Variants in C15orf39 observed in about 807,000 individuals in gnomAD.
C15orf39 encodes uncharacterized protein C15orf39.
In C15orf39, 24 loss-of-function variants were observed where a neutral mutation model predicts 53.9. That is an observed-to-expected ratio of 0.45 (90% CI 0.32 to 0.63). The LOEUF is 0.63. C15orf39 is among the 20% of genes least tolerant of loss of function. The pLI is 0.04. For synonymous variants in C15orf39, 569 were observed against 576.5 expected, an observed-to-expected ratio of 0.99 and a Z score of 0.19; for missense variants, 1,271 against 1,347.9, an observed-to-expected ratio of 0.94 and a Z score of 0.89.
intron 2 of C15orf39, chr15:75,209,038 C>G: frequency 1.3e-6 from 1 of 791,752 alleles, no homozygotes; most frequent in Admixed American, 3.5e-5. Context: ...TCTGAACATG[C>G]CAGCTGCTCT....
upstream of C15orf39, among the ~76,000 whole-genome samples, chr15:75,201,210 C>T (rs1414210249): frequency 6.6e-6 from 1 of 152,188 alleles, no homozygotes; most frequent in Non-Finnish European, 1.5e-5. The surrounding 1 kb of genome is among the most constrained non-coding windows in gnomAD (Gnocchi z 4.7). Flanking sequence ...ACACACCATT[C>T]CTGGCTGGGC....
chr15:75,207,010 G>A lies in C15orf39; in HGVS notation c.962G>A (p.Gly321Asp). Reference sequence around the variant, plus strand: ...ACCGGGTACCAGGCTGGTGGGCTGGGCAGCCCCTACCTGAGGCAGCAGGCA... The same window carrying A: ...ACCGGGTACCAGGCTGGTGGGCTGGACAGCCCCTACCTGAGGCAGCAGGCA... ...KGTGYQAGGL[G>D]SPYLRQQAAQ... The change falls in exon 2 of 3, where the codon GGC (glycine) becomes GAC (aspartate). Residue 321 changes from glycine (G) to aspartate (D), a missense_variant. Gly to Asp is a moderately conservative substitution (Grantham distance 94). Coordinates refer to ENST00000394987, the MANE Select transcript of C15orf39 (RefSeq NM_015492.5). 6.2e-7 allele frequency: 1 copy of A among 1,602,854 alleles called. No individual in the cohort carries two copies. Among genetic ancestry groups the A allele is most frequent in the Non-Finnish European group, 8.5e-7 (1 of 1,174,572 alleles).
rs764387419 is a variant in C15orf39, at chr15:75,207,117, C to A, written c.1069C>A (p.Leu357Ile). The A allele has an allele frequency of 6.2e-7, 1 of 1,613,642 alleles. No homozygotes were observed. Among genetic ancestry groups the A allele is most frequent in the South Asian group, 1.1e-5 (1 of 91,080 alleles). ...SAPLPAPSPGLKLEPPLTPRC... is the reference protein window; with the variant it reads ...SAPLPAPSPGIKLEPPLTPRC... ...CCCTCTCCCAGCACCCTCTCCAGGC[C>A]TCAAGCTGGAGCCGCCTCTCACTCC... The change falls in exon 2 of 3, where the codon CTC (leucine) becomes ATC (isoleucine). Residue 357 changes from leucine to isoleucine, a missense_variant. Physicochemically the swap from Leu to Ile is conservative, Grantham distance 5. Transcript: ENST00000394987.
Position 75,206,154 on chromosome 15 carries a change from G to A in C15orf39, c.106G>A (p.Gly36Ser). The A allele has an allele frequency of 1.2e-6, 2 of 1,613,962 alleles. No individual in the cohort carries two copies. The highest frequency in any genetic ancestry group is 1.7e-6 in the Non-Finnish European group (2 of 1,179,948). ...GLEHSLPHSVGNQDPCTYKGS... is the reference protein window; with the variant it reads ...GLEHSLPHSVSNQDPCTYKGS... ...CGAGCACAGCCTGCCCCACTCTGTT[G>A]GTAACCAGGATCCCTGCACCTACAA... Residue 36 changes from glycine (G) to serine (S), a missense_variant, in exon 2 of 3, where the codon GGT becomes AGT. By Grantham distance (56) the Gly-to-Ser change is moderately conservative. Coordinates refer to ENST00000394987, the MANE Select transcript of C15orf39 (RefSeq NM_015492.5).
At chr15:75,202,244 G>T (rs948188330) in intron 1 of C15orf39, 185 bp downstream of exon 1, 1 of 152,296 alleles carries the variant, frequency 6.6e-6, no homozygotes, top group Non-Finnish European at 1.5e-5. Flanking sequence ...ACGGGCTGCG[G>T]GGCAGGGGTG....
intron 1 of C15orf39, 148 bp from the exon 2 acceptor site, chr15:75,205,851 G>A (rs1435760884): frequency 1.9e-5 from 11 of 573,388 alleles, no homozygotes; most frequent in African/African-American, 3.8e-5. Flanking sequence ...CCTCTGTCAC[G>A]TGGCTCATGC....
At position 75,207,463 on chromosome 15, in the gene C15orf39, C is replaced by T. The variant is rs759877273; in HGVS notation, c.1415C>T (p.Thr472Ile). The change falls in exon 2 of 3, where the codon ACC becomes ATC. Residue 472 changes from threonine to isoleucine, a missense_variant. Thr to Ile is a moderately conservative substitution (Grantham distance 89). This residue lies in a region of C15orf39 where 994 missense variants were observed against 993.7 expected (regional missense o/e 1.00). Transcript: ENST00000394987. Reference protein sequence around the residue: ...IVIRDSPVPCTPPALPPCARE... With the variant: ...IVIRDSPVPCIPPALPPCARE... The stretch of plus-strand genomic sequence containing the variant: ...ATCCGAGACAGTCCAGTTCCCTGTA[C>T]CCCCCCAGCACTGCCCCCCTGTGCC... 2.1e-5 allele frequency: 34 copies of T among 1,613,184 alleles called. 1 individual carries two copies. Among genetic ancestry groups the T allele is most frequent in the East Asian group, 1.6e-4 (7 of 44,874 alleles).
upstream of C15orf39, among the ~76,000 whole-genome samples, chr15:75,200,383 T>TG (rs2070393314): frequency 6.6e-6 from 1 of 152,136 alleles, no homozygotes; most frequent in Admixed American, 6.6e-5. Context: ...TCAGGGAAAT[T>TG]GGAGAGACCA....
At position 75,211,072 on chromosome 15, in the gene C15orf39, T is replaced by C. The variant is rs1032194025; in HGVS notation, c.3100T>C (p.Ser1034Pro). ...CAAGTCCTCAAGACCAGACCAGCCC[T>C]CACCCTGCCCACAGCTGCTGGACAG... ...GHKSSRPDQP[S>P]PCPQLLDSQS... Residue 1034 changes from serine (S) to proline (P), a missense_variant, in exon 3 of 3, where the codon TCA becomes CCA. Around this residue, in one of 2 missense-constraint regions of C15orf39, gnomAD observed 277 missense variants for 354.1 expected, o/e 0.78. Coordinates refer to ENST00000394987, the MANE Select transcript of C15orf39 (RefSeq NM_015492.5). 14 of 1,602,552 alleles carry C rather than the reference T, an allele frequency of 8.7e-6. No homozygotes were observed. The highest frequency in any genetic ancestry group is 1.2e-5 in the Non-Finnish European group (14 of 1,179,898).
At position 75,211,008 on chromosome 15, in the gene C15orf39, CGCCTGGCTCAATG is replaced by C. The variant is rs1567142139; in HGVS notation, c.3046_3058del (p.Asn1016CysfsTer71). 1.9e-6 allele frequency: 3 copies of C among 1,611,892 alleles called. No individual in the cohort carries two copies. Among genetic ancestry groups the C allele is most frequent in the Non-Finnish European group, 2.5e-6 (3 of 1,180,024 alleles). On this transcript the variant is annotated frameshift_variant, in exon 3 of 3. Transcript: ENST00000394987. LOFTEE classifies it high-confidence loss of function. ...CCCGCTTCCGCAGTCTGCTGGAGACCGCCTGGCTCAATGGCCTGGCTCTGCCCACCTGGGGCCA... is the reference window on the plus strand; with the variant it reads ...CCCGCTTCCGCAGTCTGCTGGAGACCGCCTGGCTCTGCCCACCTGGGGCCA...
In C15orf39 at chr15:75,207,582, T is replaced by A. The variant is rs1230040268; in HGVS notation, c.1534T>A (p.Tyr512Asn). 6.2e-7 allele frequency: 1 copy of A among 1,613,234 alleles called. No homozygotes were observed. ...TGACAATGTCTTCAGCCTGGCCCCC[T>A]ACCGTGACTATCTGGATGTGCCGGC... ...VIDNVFSLAP[Y>N]RDYLDVPAPE... Residue 512 changes from tyrosine (Y) to asparagine (N), a missense_variant, in exon 2 of 3, where the codon TAC (tyrosine) becomes AAC (asparagine). Physicochemically the swap from Tyr to Asn is moderately radical, Grantham distance 143. Around this residue, in one of 2 missense-constraint regions of C15orf39, gnomAD observed 994 missense variants for 993.7 expected, o/e 1.00. Transcript: ENST00000394987.
At chr15:75,210,551 G>C (rs1457022936) in intron 2 of C15orf39, among the ~76,000 whole-genome samples, 198 bp from the exon 3 acceptor site, 2 of 152,218 alleles carry the variant, frequency 1.3e-5, no homozygotes, top group Non-Finnish European at 2.9e-5. Flanking sequence ...GCCCTCATCA[G>C]ATAGAGTTCT....
Position 75,206,323 on chromosome 15 carries a change from T to A in C15orf39, c.275T>A (p.Leu92Gln). 5 of 1,614,074 alleles carry A rather than the reference T, an allele frequency of 3.1e-6. No homozygotes were observed. The highest frequency in any genetic ancestry group is 4.2e-6 in the Non-Finnish European group (5 of 1,179,986). Reference sequence around the variant, plus strand: ...GCAGACAACCTGCTGACCAACTGCCTGTTCTACCGCTCGCCAGCAGAAGGC... The same window carrying A: ...GCAGACAACCTGCTGACCAACTGCCAGTTCTACCGCTCGCCAGCAGAAGGC... The part of the protein sequence containing the change: ...LQADNLLTNC[L>Q]FYRSPAEGPE... The change falls in exon 2 of 3, where the codon CTG becomes CAG. Residue 92 changes from leucine to glutamine, a missense_variant. Physicochemically the swap from Leu to Gln is moderately radical, Grantham distance 113. Transcript: ENST00000394987.
Position 75,208,091 on chromosome 15 carries a change from A to G in C15orf39, c.2043A>G (p.Ala681=). The G allele has an allele frequency of 6.2e-7, 1 of 1,613,754 alleles. No individual in the cohort carries two copies. The highest frequency in any genetic ancestry group is 2.2e-5 in the East Asian group (1 of 44,886). ...PTSAPAPTQP[A]PTPTSGPIGL... is the part of the protein sequence containing the mutation. The stretch of plus-strand genomic sequence containing the variant: ...CAGCTCCTGCTCCCACACAGCCTGC[A>G]CCCACCCCCACATCTGGGCCCATTG... The change falls in exon 2 of 3, where the codon GCA becomes GCG. Residue 681 remains alanine (A), a synonymous_variant. Transcript: ENST00000394987.
chr15:75,209,975 T>A (rs1366147576), intron 2 of C15orf39, among the ~76,000 whole-genome samples: 1 of 152,050 alleles, frequency 6.6e-6, no homozygotes, highest in East Asian at 1.9e-4. Flanking sequence ...TGTTACTGAG[T>A]GAGGGTCCCA....
intron 1 of C15orf39, among the ~76,000 whole-genome samples, chr15:75,203,938 C>T (rs1284232106): frequency 3.9e-5 from 6 of 152,208 alleles, no homozygotes; most frequent in Non-Finnish European, 7.3e-5. Context: ...CTAATGGCCC[C>T]TCTGTGTCTT....
At position 75,204,108 on chromosome 15, in the gene C15orf39, C is replaced by T. The variant is rs560488453; in HGVS notation, c.-50-1891C>T. Among the ~76,000 whole-genome samples, 17 of 152,336 alleles carry T rather than the reference C, an allele frequency of 1.1e-4. No individual in the cohort carries two copies. The East Asian group carries it at 2.9e-3, about 26-fold the overall frequency. On this transcript the variant is annotated intron_variant, in intron 1 of 2. Coordinates refer to ENST00000394987, the MANE Select transcript of C15orf39 (RefSeq NM_015492.5). Reference sequence around the variant, plus strand: ...CTCAGCCTGTGGCTGTCATTGGCTCCAACCAGAAGAGGCAAGGAGAGGGCT... The same window carrying T: ...CTCAGCCTGTGGCTGTCATTGGCTCTAACCAGAAGAGGCAAGGAGAGGGCT...
rs2070478277 is a variant in C15orf39, at chr15:75,210,858, G to A, written c.2886G>A (p.Arg962=). Residue 962 remains arginine, a synonymous_variant, in exon 3 of 3, where the codon AGG becomes AGA. Coordinates refer to ENST00000394987, the MANE Select transcript of C15orf39 (RefSeq NM_015492.5). ...LAQKSPAPKV[R]KPGRKPPTPG... Reference sequence around the variant, plus strand: ...AGAAGTCACCGGCCCCCAAGGTCAGGAAGCCAGGCAGGAAGCCACCAACCC... The same window carrying A: ...AGAAGTCACCGGCCCCCAAGGTCAGAAAGCCAGGCAGGAAGCCACCAACCC... 1.2e-6 allele frequency: 2 copies of A among 1,613,624 alleles called. No individual in the cohort carries two copies. Among genetic ancestry groups the A allele is most frequent in the Non-Finnish European group, 1.7e-6 (2 of 1,179,986 alleles).
rs537341127 is a variant in C15orf39 at position 75,201,916 on chromosome 15, G to C, written c.-194G>C. The C allele has an allele frequency of 2.0e-5, 3 of 152,066 alleles. No homozygotes were observed. The South Asian group carries it at 6.2e-4, about 31-fold the overall frequency. 9.4% of individuals were successfully genotyped at this position (152,066 alleles called of 1,614,324 possible). ...CCAGCGGCGGCGCGAACGGCAGCTAGGAGGGTTGCTCCGGGCTTGGTGCTC... is the reference window on the plus strand; with the variant it reads ...CCAGCGGCGGCGCGAACGGCAGCTACGAGGGTTGCTCCGGGCTTGGTGCTC... On this transcript the variant is annotated 5_prime_UTR_variant, in exon 1 of 3. Transcript: ENST00000394987. The surrounding 1 kb of genome is among the most constrained non-coding windows in gnomAD (Gnocchi z 4.7).
Sources: allele counts gnomAD v4.1 joint callset (sites outside exome capture counted in the v4.1 genomes callset), GRCh38; gene constraint gnomAD v4.1.1; regional missense constraint gnomAD v4.1.1; non-coding constraint Gnocchi (gnomAD v3.1); transcripts MANE v1.5; gene names NCBI Gene and HGNC (gene_info 2026-07-23, HGNC 2026-07-21).